JPH2: variants seen among roughly 807,000 people sequenced by gnomAD.
JPH2 encodes the protein junctophilin-2.
A neutral mutation model predicts 55.9 loss-of-function variants in JPH2; 38 were observed. That is an observed-to-expected ratio of 0.68 (90% CI 0.52 to 0.89). JPH2 has a LOEUF of 0.89. Among genes scored for constraint, JPH2 ranks in the 40% least tolerant of loss-of-function variants. The probability of loss-of-function intolerance (pLI) is 0.00; values close to 1 mark genes in which losing one functional copy is unlikely to be tolerated. For synonymous variants in JPH2, 480 were observed against 472.4 expected, an observed-to-expected ratio of 1.02 and a Z score of -0.21; for missense variants, 964 against 1,037.6, an observed-to-expected ratio of 0.93 and a Z score of 0.97.
rs2072117979 is a variant in JPH2 at position 44,107,963 on chromosome 20, T to C, written c.*5555A>G. On this transcript the variant is annotated 3_prime_UTR_variant, in exon 6 of 6. Transcript: ENST00000372980. ...CAGCTTATGCTAACCAGATGGCTTA[T>C]AGTGAGTGCTGGCCATGCCAGAAAA... is the stretch of plus-strand genomic sequence containing the variant. Among the ~76,000 whole-genome samples, 1 of 152,234 alleles carries C rather than the reference T, an allele frequency of 6.6e-6. No homozygotes were observed. Among genetic ancestry groups the C allele is most frequent in the Non-Finnish European group, 1.5e-5 (1 of 68,044 alleles).
At chr20:44,149,033 C>G (rs1042595682) in intron 2 of JPH2, among the ~76,000 whole-genome samples, 4 of 151,188 alleles carry the variant, frequency 2.6e-5, no homozygotes, top group Middle Eastern at 3.2e-3. Context: ...CGCCACTGCA[C>G]TCCAGCCTGG....
intron 2 of JPH2, among the ~76,000 whole-genome samples, chr20:44,135,380 G>A (rs1440688943): frequency 6.6e-6 from 1 of 152,070 alleles, no homozygotes; most frequent in Non-Finnish European, 1.5e-5. Context: ...GTGCCCTGTC[G>A]ATTGTTTCTA....
intron 2 of JPH2, among the ~76,000 whole-genome samples, chr20:44,143,030 A>G (rs574562551): frequency 3.7e-4 from 56 of 152,296 alleles, no homozygotes; most frequent in African/African-American, 1.2e-3. Flanking sequence ...CTGAGGAAGA[A>G]ACAGTCAAGC....
chr20:44,161,515 T>C (rs537215568), intron 1 of JPH2, among the ~76,000 whole-genome samples: 2 of 152,218 alleles, frequency 1.3e-5, no homozygotes, highest in African/African-American at 4.8e-5. Flanking sequence ...TGTGTGACCT[T>C]GGGCAACTGA....
At chr20:44,155,459 C>A (rs1284314458) in intron 2 of JPH2, among the ~76,000 whole-genome samples, 1 of 152,186 alleles carries the variant, frequency 6.6e-6, no homozygotes, top group Non-Finnish European at 1.5e-5. Flanking sequence ...GAAGAAGGAG[C>A]AAATCTTCCA....
intron 1 of JPH2, among the ~76,000 whole-genome samples, chr20:44,169,091 G>A (rs1053487622): frequency 2.0e-5 from 3 of 152,012 alleles, no homozygotes; most frequent in Non-Finnish European, 4.4e-5. Flanking sequence ...ATCAGAGGTA[G>A]ATGCTCCACC....
chr20:44,157,174 C>G (rs192339948), intron 2 of JPH2, among the ~76,000 whole-genome samples: 9 of 152,300 alleles, frequency 5.9e-5, no homozygotes, highest in African/African-American at 1.9e-4. Flanking sequence ...GATTCCCCTT[C>G]AGGACTGAAG....
At chr20:44,117,248 C>T (rs760710526) in intron 3 of JPH2, among the ~76,000 whole-genome samples, 1 of 152,120 alleles carries the variant, frequency 6.6e-6, no homozygotes, top group Non-Finnish European at 1.5e-5. Context: ...CACTGCACTC[C>T]AGCCTGGTGA....
chr20:44,182,438 G>A (rs998367855), intron 1 of JPH2, among the ~76,000 whole-genome samples: 1 of 152,202 alleles, frequency 6.6e-6, no homozygotes, highest in African/African-American at 2.4e-5. Flanking sequence ...AACCAAGGCA[G>A]CAGGGCTTCT....
chr20:44,139,980 T>C (rs2072443670), intron 2 of JPH2, among the ~76,000 whole-genome samples: 1 of 152,190 alleles, frequency 6.6e-6, no homozygotes, highest in African/African-American at 2.4e-5. Context: ...CAAGTGATTC[T>C]CCTGCCTCAG....
chr20:44,158,679 G>A (rs2072582053), intron 2 of JPH2, among the ~76,000 whole-genome samples: 2 of 152,200 alleles, frequency 1.3e-5, no homozygotes, highest in South Asian at 4.1e-4. Context: ...TAGATGGGAG[G>A]GTGGATGGAC....
chr20:44,184,473 T>G (rs186141024), intron 1 of JPH2, among the ~76,000 whole-genome samples: 13 of 152,292 alleles, frequency 8.5e-5, no homozygotes, highest in Admixed American at 8.5e-4. Context: ...GAGATTCTGA[T>G]GAGAAGGTCT....
rs2145906902 is a variant in JPH2 at position 44,186,949 on chromosome 20, C to T, written c.-244G>A. 1.2e-5 allele frequency: 7 copies of T among 586,124 alleles called. No homozygotes were observed. The South Asian group carries it at 1.5e-4, about 12-fold the overall frequency. The allele number at this position is 586,124 out of a possible 1,614,324, so 36.3% of individuals were successfully genotyped here. A position where few individuals can be genotyped will look rare whatever the true frequency, so the allele number is the denominator to read the frequency against. On this transcript the variant is annotated 5_prime_UTR_variant, in exon 1 of 6. Transcript: ENST00000372980. ...CCACCAGCCAGAGCAAGGCTGCCTG[C>T]TGGAAAGAAAGCAGGAAGGAAAGGT... is the stretch of plus-strand genomic sequence containing the variant.
At chr20:44,172,814 C>T (rs1387010538) in intron 1 of JPH2, among the ~76,000 whole-genome samples, 1 of 152,140 alleles carries the variant, frequency 6.6e-6, no homozygotes, top group African/African-American at 2.4e-5. Flanking sequence ...AATATGAGCT[C>T]TCAGGTTTCT....
chr20:44,171,765 C>T (rs982418288), intron 1 of JPH2, among the ~76,000 whole-genome samples: 1 of 152,218 alleles, frequency 6.6e-6, no homozygotes, highest in Non-Finnish European at 1.5e-5. Flanking sequence ...ATTATCAGAC[C>T]AGACCAGGTT....
chr20:44,141,147 G>A (rs186628746), intron 2 of JPH2, among the ~76,000 whole-genome samples: 6 of 152,242 alleles, frequency 3.9e-5, no homozygotes, highest in Non-Finnish European at 2.9e-5. Context: ...ATTGCTAGCT[G>A]CTCACCAAAT....
At chr20:44,149,077 A>AG (rs2072512998) in intron 2 of JPH2, among the ~76,000 whole-genome samples, 1 of 151,206 alleles carries the variant, frequency 6.6e-6, no homozygotes, top group South Asian at 2.1e-4. Flanking sequence ...AAAAAAAAAA[A>AG]CATTCTCCCT....
At position 44,116,256 on chromosome 20, in the gene JPH2, G is replaced by C. The variant is rs1471827464; in HGVS notation, c.1419C>G (p.His473Gln). Residue 473 changes from histidine to glutamine, a missense_variant, in exon 4 of 6, where the codon CAC becomes CAG. By Grantham distance (24) the His-to-Gln change is conservative. Coordinates refer to ENST00000372980, the MANE Select transcript of JPH2 (RefSeq NM_020433.5). ...CCTCGGGCCGAGGGGTCTCACGCTC[G>C]TGCAGCTGCGGGCTCTCGCGGGGCG... ...PQPPRESPQL[H>Q]ERETPRPEGG... 9.2e-6 allele frequency: 14 copies of C among 1,514,838 alleles called. No homozygotes were observed. Among genetic ancestry groups the C allele is most frequent in the Non-Finnish European group, 1.1e-5 (13 of 1,136,766 alleles). The allele number at this position is 1,514,838 out of a possible 1,614,324, so 93.8% of individuals were successfully genotyped here.
intron 5 of JPH2, among the ~76,000 whole-genome samples, 183 bp downstream of exon 5, chr20:44,114,599 T>C (rs2072172638): frequency 6.8e-6 from 1 of 147,118 alleles, no homozygotes; most frequent in African/African-American, 2.6e-5. Flanking sequence ...TGTGTGTGTG[T>C]GTGTGTGTGT....
Sources: gnomAD v4.1 joint callset for allele counts (sites outside exome capture counted in the v4.1 genomes callset) on GRCh38, gnomAD v4.1.1 for gene constraint, MANE v1.5 for transcripts, NCBI Gene and HGNC (gene_info 2026-07-23, HGNC 2026-07-21) for gene names.